RIMS2: variants seen among roughly 807,000 people sequenced by gnomAD.
RIMS2 encodes regulating synaptic membrane exocytosis protein 2.
In RIMS2, 59 loss-of-function variants were observed where a neutral mutation model predicts 174.4. That is an observed-to-expected ratio of 0.34 (90% CI 0.27 to 0.42). The LOEUF (loss-of-function observed/expected upper bound fraction) is 0.42, where lower values mean the gene tolerates loss of function less well. Among genes scored for constraint, RIMS2 ranks in the 10% least tolerant of loss-of-function variants. The pLI is 1.00. For synonymous variants in RIMS2, 606 were observed against 572.5 expected (o/e 1.06, Z -0.84); for missense variants, 1,620 against 1,666.3 (o/e 0.97, Z 0.48).
chr8:104,003,046 C>G (rs906583721), intron 17 of RIMS2, among the ~76,000 whole-genome samples: 4 of 152,048 alleles, frequency 2.6e-5, no homozygotes, highest in Non-Finnish European at 4.4e-5. Context: ...AAAATATACC[C>G]TTTATTTTAA....
At chr8:104,013,473 C>A in exon 18 of RIMS2, 1 of 1,613,824 alleles carries the variant, frequency 6.2e-7, no homozygotes, top group South Asian at 1.1e-5. Context: ...ACAGCCATAT[C>A]ACAGATCCAG....
At chr8:104,089,974 G>A (rs965993946) in intron 19 of RIMS2, among the ~76,000 whole-genome samples, 1 of 151,520 alleles carries the variant, frequency 6.6e-6, no homozygotes, top group East Asian at 1.9e-4. Flanking sequence ...CAAAGATGAG[G>A]AAGATACTGT....
chr8:103,798,563 G>C (rs569651807), intron 3 of RIMS2, among the ~76,000 whole-genome samples: 107 of 152,226 alleles, frequency 7.0e-4, no homozygotes, highest in African/African-American at 2.5e-3. Context: ...TCGGTGATTT[G>C]TGTTTTCTTC....
intron 19 of RIMS2, among the ~76,000 whole-genome samples, chr8:104,048,800 A>T (rs2096736823): frequency 6.6e-6 from 1 of 151,436 alleles, no homozygotes; most frequent in African/African-American, 2.4e-5. Context: ...TTTCATCCAT[A>T]GTAAATAATC....
At chr8:104,081,946 TTC>T (rs919806395) in intron 19 of RIMS2, among the ~76,000 whole-genome samples, 2 of 152,100 alleles carry the variant, frequency 1.3e-5, no homozygotes, top group Non-Finnish European at 2.9e-5. Context: ...TCTTCTTTCC[TTC>T]TCTGTTTTTT....
chr8:103,707,998 G>A (rs1590820180), intron 2 of RIMS2, among the ~76,000 whole-genome samples: 1 of 152,160 alleles, frequency 6.6e-6, no homozygotes, highest in East Asian at 1.9e-4. Context: ...AGTTTCCTCT[G>A]TTTACTCTAA....
At chr8:103,785,077 TA>T (rs1479154598) in intron 3 of RIMS2, among the ~76,000 whole-genome samples, 1 of 141,880 alleles carries the variant, frequency 7.0e-6, no homozygotes, top group African/African-American at 2.7e-5. Flanking sequence ...GTTTGTCTGT[TA>T]TTGGTGCGTA....
intron 11 of RIMS2, among the ~76,000 whole-genome samples, chr8:103,929,316 T>C (rs1370639386): frequency 6.6e-6 from 1 of 151,766 alleles, no homozygotes; most frequent in Non-Finnish European, 1.5e-5. Context: ...TTTTGAAATA[T>C]ATATCTCAAA....
intron 19 of RIMS2, among the ~76,000 whole-genome samples, chr8:104,106,896 A>G (rs2098079923): frequency 1.3e-5 from 2 of 152,206 alleles, no homozygotes; most frequent in African/African-American, 4.8e-5. Flanking sequence ...AAATAAAATA[A>G]CTTTCATGCA....
intron 19 of RIMS2, among the ~76,000 whole-genome samples, chr8:104,154,223 T>C (rs1176684791): frequency 1.3e-5 from 2 of 152,192 alleles, no homozygotes; most frequent in Admixed American, 6.5e-5. Context: ...GCTAATGTCA[T>C]GGGTGGAAGT....
At chr8:103,611,968 A>AT (rs1389356478) in intron 1 of RIMS2, among the ~76,000 whole-genome samples, 1 of 101,344 alleles carries the variant, frequency 9.9e-6, no homozygotes, top group Non-Finnish European at 2.2e-5. Context: ...ATTGTTTTTT[A>AT]TTTTTTTTCT....
chr8:104,009,708 A>G (rs557665943), intron 17 of RIMS2, among the ~76,000 whole-genome samples: 1 of 152,278 alleles, frequency 6.6e-6, no homozygotes, highest in East Asian at 1.9e-4. Flanking sequence ...TTTAAATTTA[A>G]GATGTCAGCT....
intron 20 of RIMS2, 76 bp from the exon 27 acceptor site, chr8:104,248,625 G>A: frequency 1.2e-6 from 1 of 819,214 alleles, no homozygotes; most frequent in Non-Finnish European, 2.2e-6. Flanking sequence ...ACAATAATGA[G>A]GCTAGAATGA....
intron 15 of RIMS2, among the ~76,000 whole-genome samples, chr8:103,963,456 G>T (rs941839171): frequency 6.6e-6 from 1 of 152,042 alleles, no homozygotes. Context: ...GAACTGTTTC[G>T]ACTAACTTAT....
chr8:104,057,877 G>C (rs970563822), intron 19 of RIMS2, among the ~76,000 whole-genome samples: 1 of 151,612 alleles, frequency 6.6e-6, no homozygotes, highest in African/African-American at 2.4e-5. Flanking sequence ...TTTCATCCAT[G>C]TCCCTACAAA....
chr8:103,567,546 T>C (rs2092462890), intron 1 of RIMS2, among the ~76,000 whole-genome samples: 1 of 152,252 alleles, frequency 6.6e-6, no homozygotes, highest in South Asian at 2.1e-4. Flanking sequence ...TGTATGAATA[T>C]GCCACATATA....
chr8:103,605,367 A>T (rs1327482317), intron 1 of RIMS2, among the ~76,000 whole-genome samples: 1 of 138,762 alleles, frequency 7.2e-6, no homozygotes, highest in East Asian at 2.0e-4. Context: ...ATCATGGTGG[A>T]TAAGCTTTTT....
intron 2 of RIMS2, among the ~76,000 whole-genome samples, chr8:103,712,972 A>G (rs2097325471): frequency 6.6e-6 from 1 of 152,010 alleles, no homozygotes; most frequent in Non-Finnish European, 1.5e-5. Flanking sequence ...AATCCATTAA[A>G]TAGGACATTG....
intron 1 of RIMS2, among the ~76,000 whole-genome samples, chr8:103,530,403 A>G (rs1390298415): frequency 6.6e-6 from 1 of 152,180 alleles, no homozygotes; most frequent in African/African-American, 2.4e-5. Flanking sequence ...AGATTTGACC[A>G]CGAATCTGTT....
Sources: gnomAD v4.1 joint callset for allele counts (sites outside exome capture counted in the v4.1 genomes callset) on GRCh38, gnomAD v4.1.1 for gene constraint, MANE v1.5 for transcripts, NCBI Gene and HGNC (gene_info 2026-07-23, HGNC 2026-07-21) for gene names.